The following NWD2 variants were observed in gnomAD, a reference collection of about 807,000 sequenced individuals.
The protein encoded by NWD2 is NACHT and WD repeat domain containing 2, also known as NACHT and WD repeat domain-containing protein 2.
Under a neutral mutation model 132.7 loss-of-function variants are expected in NWD2, and 37 were observed. The observed-to-expected ratio is 0.28, with a 90% CI of 0.21 to 0.37. The LOEUF (loss-of-function observed/expected upper bound fraction) is 0.37. NWD2 is among the 10% of genes least tolerant of loss of function. The pLI is 1.00. For synonymous variants in NWD2, 705 were observed against 803.0 expected, an observed-to-expected ratio of 0.88 and a Z score of 2.06; for missense variants, 1,592 against 2,122.4, an observed-to-expected ratio of 0.75 and a Z score of 4.91.
intron 3 of NWD2, among the ~76,000 whole-genome samples, chr4:37,426,522 G>A (rs1712012795): frequency 6.6e-6 from 1 of 152,096 alleles, no homozygotes; most frequent in Non-Finnish European, 1.5e-5. Context: ...TACAGTATTT[G>A]GTGCCAGGTG....
At chr4:37,394,649 G>A (rs889430747) in intron 3 of NWD2, among the ~76,000 whole-genome samples, 20 of 152,070 alleles carry the variant, frequency 1.3e-4, no homozygotes, top group Admixed American at 6.6e-5. Flanking sequence ...CTGAAAGCTA[G>A]TCTAACCCTA....
At chr4:37,331,654 A>C (rs1193834732) in intron 2 of NWD2, among the ~76,000 whole-genome samples, 1 of 152,242 alleles carries the variant, frequency 6.6e-6, no homozygotes, top group East Asian at 1.9e-4. Context: ...AGAAGCTTCC[A>C]CTGATTGTCC....
chr4:37,412,060 T>C (rs145746291), intron 3 of NWD2, among the ~76,000 whole-genome samples: 10,381 of 152,166 alleles, frequency 0.068, 658 homozygotes, highest in African/African-American at 0.16. Context: ...AAGCATTCCC[T>C]TTGAAAATGG....
At chr4:37,280,807 A>G (rs552315767) in intron 1 of NWD2, among the ~76,000 whole-genome samples, 59 of 152,314 alleles carry the variant, frequency 3.9e-4, no homozygotes, top group African/African-American at 1.4e-3. Context: ...AAGTGCATTT[A>G]CAGAATTAGA....
In NWD2 at chr4:37,443,244, G is replaced by A. The variant is rs1481843897; in HGVS notation, c.1297-41G>A. The A allele has an allele frequency of 2.8e-5, 41 of 1,469,208 alleles. No homozygotes were observed. In the Admixed American group the frequency reaches 8.0e-4, roughly 29 times the overall value. 91.0% of individuals were successfully genotyped at this position (1,469,208 alleles called of 1,614,324 possible). ...GCAATGTTATCACATATGACCATGTGAATACATATTACCATTCTAAACTCC... is the reference window on the plus strand; with the variant it reads ...GCAATGTTATCACATATGACCATGTAAATACATATTACCATTCTAAACTCC... On this transcript the variant is annotated intron_variant, in intron 6 of 6. Transcript: ENST00000309447. This position sits in a 1 kb window ranked among gnomAD's most constrained non-coding sequence, Gnocchi z 4.1.
At chr4:37,280,744 G>A (rs987748284) in intron 1 of NWD2, among the ~76,000 whole-genome samples, 1 of 152,032 alleles carries the variant, frequency 6.6e-6, no homozygotes, top group Admixed American at 6.6e-5. Flanking sequence ...ACAGCACCCC[G>A]GGGCTAACAA....
chr4:37,316,392 C>G (rs952134484), intron 1 of NWD2, among the ~76,000 whole-genome samples: 2 of 151,402 alleles, frequency 1.3e-5, no homozygotes, highest in Admixed American at 6.6e-5. Context: ...AATTTTTTTT[C>G]TCTTGGTGTC....
chr4:37,322,404 G>A (rs1450728058), intron 1 of NWD2, among the ~76,000 whole-genome samples: 2 of 152,134 alleles, frequency 1.3e-5, no homozygotes, highest in Non-Finnish European at 1.5e-5. Context: ...GCCATGAGAT[G>A]ATCACAGGAC....
chr4:37,335,139 C>G (rs13117762), intron 2 of NWD2, among the ~76,000 whole-genome samples: 51,293 of 151,850 alleles, frequency 0.34, 10,079 homozygotes, highest in Middle Eastern at 0.51. Context: ...GCACAATGTG[C>G]AAGTTCTTTT....
chr4:37,334,885 C>A (rs1719367640), intron 2 of NWD2, among the ~76,000 whole-genome samples: 1 of 152,132 alleles, frequency 6.6e-6, no homozygotes, highest in Non-Finnish European at 1.5e-5. Flanking sequence ...CAAAGATCTG[C>A]CAACTCTACC....
chr4:37,387,548 C>A (rs1042699794), intron 3 of NWD2, among the ~76,000 whole-genome samples: 1 of 151,706 alleles, frequency 6.6e-6, no homozygotes, highest in East Asian at 1.9e-4. Flanking sequence ...CTTGTCTGTA[C>A]GTCCTGTATC....
intron 3 of NWD2, among the ~76,000 whole-genome samples, chr4:37,387,641 A>G (rs1268013261): frequency 6.8e-6 from 1 of 147,184 alleles, no homozygotes; most frequent in Non-Finnish European, 1.5e-5. Context: ...CTCTCCACCC[A>G]GCAGCCAGAG....
chr4:37,321,667 T>G (rs936508659), intron 1 of NWD2, among the ~76,000 whole-genome samples: 2 of 152,222 alleles, frequency 1.3e-5, no homozygotes, highest in Non-Finnish European at 2.9e-5. Flanking sequence ...TTGTGAACCA[T>G]CCAGATTTGC....
chr4:37,374,413 T>C (rs1276549589), intron 3 of NWD2, among the ~76,000 whole-genome samples: 1 of 152,134 alleles, frequency 6.6e-6, no homozygotes, highest in African/African-American at 2.4e-5. Flanking sequence ...TTTATAGCAA[T>C]GCAAAACAGA....
At chr4:37,325,754 G>A (rs1309673529) in intron 1 of NWD2, among the ~76,000 whole-genome samples, 182 bp from the exon 2 acceptor site, 1 of 152,150 alleles carries the variant, frequency 6.6e-6, no homozygotes, top group Non-Finnish European at 1.5e-5. Flanking sequence ...GTGCCTGATG[G>A]ATGGATCTCT....
At chr4:37,294,922 G>A (rs1301036699) in intron 1 of NWD2, among the ~76,000 whole-genome samples, 1 of 152,222 alleles carries the variant, frequency 6.6e-6, no homozygotes, top group Non-Finnish European at 1.5e-5. Flanking sequence ...TGACTTCGAT[G>A]TTTGAGGGCT....
Position 37,428,288 on chromosome 4 carries a change from C to T in NWD2, c.358-2284C>T, listed in dbSNP as rs182794194. Among the ~76,000 whole-genome samples the T allele has an allele frequency of 2.6e-3, 398 of 152,274 alleles. 4 individuals carry two copies. The highest frequency in any genetic ancestry group is 3.7e-3 in the Non-Finnish European group (252 of 68,022). On this transcript the variant is annotated intron_variant, in intron 3 of 6. Transcript: ENST00000309447. ...AAATTCACCTTCCAGTGGATAAACA[C>T]AGCTTGATGTTTATGCTAAAATGCT...
At chr4:37,356,689 A>G (rs573584276) in intron 3 of NWD2, among the ~76,000 whole-genome samples, 1 of 152,348 alleles carries the variant, frequency 6.6e-6, no homozygotes, top group Admixed American at 6.5e-5. Context: ...ATTAACGGTG[A>G]ATAATTTGAA....
intron 3 of NWD2, among the ~76,000 whole-genome samples, chr4:37,403,644 A>G (rs1720940634): frequency 6.6e-6 from 1 of 152,224 alleles, no homozygotes; most frequent in African/African-American, 2.4e-5. Context: ...CCTCTCTAGG[A>G]CAAAGCTATA....
Sources: gnomAD v4.1 joint callset for allele counts (sites outside exome capture counted in the v4.1 genomes callset) on GRCh38, gnomAD v4.1.1 for gene constraint, Gnocchi (gnomAD v3.1) non-coding constraint, MANE v1.5 for transcripts, NCBI Gene and HGNC (gene_info 2026-07-23, HGNC 2026-07-21) for gene names.